TRIM2: variants seen among roughly 807,000 people sequenced by gnomAD.
The protein encoded by TRIM2 is tripartite motif containing 2.
Under a neutral mutation model 75.2 loss-of-function variants are expected in TRIM2, and 20 were observed. That is an observed-to-expected ratio of 0.27 (90% CI 0.19 to 0.39). The LOEUF is 0.39. Among genes scored for constraint, TRIM2 ranks in the 10% least tolerant of loss-of-function variants. The pLI, the probability that TRIM2 is intolerant of heterozygous loss-of-function variation, is 1.00. For missense variants in TRIM2, 660 were observed against 990.8 expected, an observed-to-expected ratio of 0.67 and a Z score of 4.48; for synonymous variants, 373 against 388.3, an observed-to-expected ratio of 0.96 and a Z score of 0.46.
At chr4:153,312,533 C>T (rs562449017) in intron 6 of TRIM2, among the ~76,000 whole-genome samples, 85 of 152,018 alleles carry the variant, frequency 5.6e-4, no homozygotes, top group African/African-American at 1.4e-3. Context: ...GTTAGAATGG[C>T]GATCATTAAA....
chr4:153,290,125 G>C (rs943894844), intron 3 of TRIM2, among the ~76,000 whole-genome samples: 2 of 152,208 alleles, frequency 1.3e-5, no homozygotes, highest in African/African-American at 4.8e-5. Flanking sequence ...GCTCAGCCTT[G>C]ATAGGAATTA....
chr4:153,273,274 T>TTTTTTTTTTTTTTTA (rs1757219407), intron 2 of TRIM2, among the ~76,000 whole-genome samples: 1 of 88,680 alleles, frequency 1.1e-5, no homozygotes, highest in African/African-American at 4.1e-5. Flanking sequence ...GTCACTCTTT[T>TTTTTTTTTTTTTTTA]TTTTTTTTTT....
chr4:153,313,021 C>A (rs1486381778), intron 6 of TRIM2, among the ~76,000 whole-genome samples: 2 of 152,068 alleles, frequency 1.3e-5, no homozygotes, highest in Non-Finnish European at 2.9e-5. Context: ...AATATATAAG[C>A]AACGTTAGAC....
intron 1 of TRIM2, among the ~76,000 whole-genome samples, chr4:153,249,906 T>G (rs1174188089): frequency 6.6e-6 from 1 of 152,176 alleles, no homozygotes; most frequent in Admixed American, 6.5e-5. Context: ...ACCGGGAGAT[T>G]ACATTCCGGG....
At chr4:153,181,438 G>C (rs1172781443) in intron 1 of TRIM2, among the ~76,000 whole-genome samples, 2 of 152,220 alleles carry the variant, frequency 1.3e-5, no homozygotes, top group Non-Finnish European at 2.9e-5. Context: ...TTCTGTGTCA[G>C]GCTGAGTCAC....
At chr4:153,157,963 T>C (rs564266842) in intron 1 of TRIM2, among the ~76,000 whole-genome samples, 10 of 152,356 alleles carry the variant, frequency 6.6e-5, no homozygotes, top group African/African-American at 2.4e-4. Context: ...TGACTATTTC[T>C]GGCTTGATAA....
At chr4:153,260,443 A>G (rs963387104) in intron 1 of TRIM2, among the ~76,000 whole-genome samples, 2 of 152,050 alleles carry the variant, frequency 1.3e-5, no homozygotes, top group Non-Finnish European at 2.9e-5. Context: ...TTTATATACT[A>G]AAGAAAGAGG....
At position 153,248,288 on chromosome 4, in the gene TRIM2, A is replaced by AC; in HGVS notation, c.31-22044dup. Reference sequence around the variant, plus strand: ...TGAGATTACAGGCGTGAGCCACCGCACCCGGCCTAGATCAGGTTCTTTACA... The same window carrying AC: ...TGAGATTACAGGCGTGAGCCACCGCACCCCGGCCTAGATCAGGTTCTTTACA... On this transcript the variant is annotated intron_variant, in intron 1 of 11. Coordinates refer to ENST00000338700, the MANE Select transcript of TRIM2 (RefSeq NM_015271.5). The surrounding 1 kb of genome is among the most constrained non-coding windows in gnomAD (Gnocchi z 4.0). 6.6e-6 allele frequency among the ~76,000 whole-genome samples: 1 copy of AC among 152,212 alleles called. No individual in the cohort carries two copies. The highest frequency in any genetic ancestry group is 3.4e-3 in the Middle Eastern group (1 of 294).
rs187268558 is a variant in TRIM2, at chr4:153,183,549, C to G, written c.-49+30279C>G. ...GGCCATAGACAAAGGAGGAAGGGTGCTATGGGACCAGGTTCTGGAGCACAG... is the reference window on the plus strand; with the variant it reads ...GGCCATAGACAAAGGAGGAAGGGTGGTATGGGACCAGGTTCTGGAGCACAG... On this transcript the variant is annotated intron_variant, in intron 1 of 11. Coordinates refer to the TRIM2 transcript ENST00000437508. 3.9e-5 allele frequency among the ~76,000 whole-genome samples: 6 copies of G among 152,208 alleles called. No individual in the cohort carries two copies. The East Asian group carries it at 1.2e-3, about 29-fold the overall frequency.
At chr4:153,277,865 C>G (rs1213699730) in intron 3 of TRIM2, among the ~76,000 whole-genome samples, 1 of 152,156 alleles carries the variant, frequency 6.6e-6, no homozygotes, top group Non-Finnish European at 1.5e-5. Flanking sequence ...GTAAAAAGAA[C>G]TTTTAAATGC....
At chr4:153,249,834 A>G (rs538543425) in intron 1 of TRIM2, among the ~76,000 whole-genome samples, 7 of 152,354 alleles carry the variant, frequency 4.6e-5, no homozygotes, top group Admixed American at 3.9e-4. Context: ...GAGAAAAACA[A>G]TACTTGATAC....
chr4:153,328,374 G>A (rs1237058375), intron 10 of TRIM2, among the ~76,000 whole-genome samples, 156 bp from the exon 11 acceptor site: 3 of 152,154 alleles, frequency 2.0e-5, no homozygotes, highest in African/African-American at 7.2e-5. Context: ...ACAATGATAT[G>A]CAGTCTGTCT....
At chr4:153,152,412 ATATATATATATATATATAC>A (rs1728813847), upstream of TRIM2, 1 of 42,688 alleles carries the variant, frequency 2.3e-5, no homozygotes, top group African/African-American at 4.6e-5. Flanking sequence ...ATGTGTGTAT[ATATATATATATATATATAC>A]ACACATATAT....
chr4:153,226,540 C>T (rs767326042), intron 1 of TRIM2, among the ~76,000 whole-genome samples: 1 of 152,212 alleles, frequency 6.6e-6, no homozygotes, highest in Non-Finnish European at 1.5e-5. Flanking sequence ...AAACTGACAT[C>T]TCTTCAGTGT....
intron 6 of TRIM2, among the ~76,000 whole-genome samples, chr4:153,299,390 A>G (rs936037272): frequency 2.6e-4 from 39 of 152,036 alleles, no homozygotes; most frequent in Admixed American, 2.5e-3. Context: ...AAGACTGTGT[A>G]TATATATACC....
intron 1 of TRIM2, among the ~76,000 whole-genome samples, chr4:153,268,273 C>A (rs1755787504): frequency 6.6e-6 from 1 of 152,192 alleles, no homozygotes; most frequent in Non-Finnish European, 1.5e-5. Context: ...GGCCCCTAAA[C>A]CTTAATTTCT....
chr4:153,212,591 C>T (rs560832130), intron 1 of TRIM2, among the ~76,000 whole-genome samples: 14 of 151,922 alleles, frequency 9.2e-5, no homozygotes, highest in East Asian at 3.9e-4. Flanking sequence ...CCTGAGAGTT[C>T]GAGGCAGTGA....
intron 3 of TRIM2, among the ~76,000 whole-genome samples, chr4:153,280,708 G>A (rs1238841887): frequency 2.7e-5 from 4 of 148,420 alleles, no homozygotes; most frequent in South Asian, 4.2e-4. Context: ...TTTTTGAGAC[G>A]GAGTCTCGCT....
At chr4:153,247,822 CA>C (rs1237518409) in intron 1 of TRIM2, among the ~76,000 whole-genome samples, 1 of 151,508 alleles carries the variant, frequency 6.6e-6, no homozygotes, top group Non-Finnish European at 1.5e-5. Flanking sequence ...TTCATATGCC[CA>C]AAAAAACCCC....
Sources: allele counts gnomAD v4.1 joint callset (sites outside exome capture counted in the v4.1 genomes callset), GRCh38; gene constraint gnomAD v4.1.1; non-coding constraint Gnocchi (gnomAD v3.1); transcripts MANE v1.5; gene names NCBI Gene and HGNC (gene_info 2026-07-23, HGNC 2026-07-21).